The following LHFPL3 variants were observed in gnomAD, a reference collection of about 807,000 sequenced individuals.
The protein encoded by LHFPL3 is LHFPL tetraspan subfamily member 3.
Under a neutral mutation model 19.3 loss-of-function variants are expected in LHFPL3, and 5 were observed. The ratio of observed to expected loss-of-function variants is 0.26; its 90% CI spans 0.14 to 0.54. The LOEUF is 0.54. Among genes scored for constraint, LHFPL3 ranks in the 20% least tolerant of loss-of-function variants. The probability of loss-of-function intolerance (pLI) is 0.94; values close to 1 mark genes in which losing one functional copy is unlikely to be tolerated. For synonymous variants in LHFPL3, 133 were observed against 126.2 expected, an observed-to-expected ratio of 1.05 and a Z score of -0.36; for missense variants, 249 against 307.4, an observed-to-expected ratio of 0.81 and a Z score of 1.42.
chr7:104,530,305 C>T lies in LHFPL3; in HGVS notation c.445+201081C>T, dbSNP rs117524552. ...CTACTTTTCAGTGACTCAAATATAG[C>T]TGAAATCACTTTGTGCTGGAGGCCA... is the stretch of plus-strand genomic sequence containing the variant. On this transcript the variant is annotated intron_variant, in intron 1 of 2. Transcript: ENST00000424859. Among the ~76,000 whole-genome samples, 196 of 152,318 alleles carry T rather than the reference C, an allele frequency of 1.3e-3. 3 individuals are homozygous for T. In the East Asian group the frequency reaches 0.032, roughly 25 times the overall value.
chr7:104,557,577 G>A (rs935338497), intron 1 of LHFPL3, among the ~76,000 whole-genome samples: 3 of 152,058 alleles, frequency 2.0e-5, no homozygotes, highest in Admixed American at 6.5e-5. Context: ...GATTTGGGTG[G>A]GAATACAGCC....
intron 1 of LHFPL3, among the ~76,000 whole-genome samples, chr7:104,686,586 C>T (rs368788647): frequency 6.6e-6 from 1 of 152,080 alleles, no homozygotes; most frequent in African/African-American, 2.4e-5. Flanking sequence ...CTAATTTCAC[C>T]CAATTCTGAC....
chr7:104,566,300 G>A (rs771836878), intron 1 of LHFPL3, among the ~76,000 whole-genome samples: 13 of 152,192 alleles, frequency 8.5e-5, no homozygotes, highest in African/African-American at 1.2e-4. Flanking sequence ...GCAGTGAGTC[G>A]TAACCACATC....
At chr7:104,848,051 C>G (rs1791344234) in intron 2 of LHFPL3, among the ~76,000 whole-genome samples, 1 of 152,152 alleles carries the variant, frequency 6.6e-6, no homozygotes, top group South Asian at 2.1e-4. Context: ...TTCTTATGTT[C>G]TAATGCGCTG....
At chr7:104,460,012 C>T (rs1298149437) in intron 1 of LHFPL3, among the ~76,000 whole-genome samples, 1 of 152,074 alleles carries the variant, frequency 6.6e-6, no homozygotes, top group Non-Finnish European at 1.5e-5. Flanking sequence ...TTCTTCTTAC[C>T]CTCCACCCTC....
At chr7:104,857,066 C>T (rs930537630) in intron 2 of LHFPL3, among the ~76,000 whole-genome samples, 2 of 152,128 alleles carry the variant, frequency 1.3e-5, no homozygotes, top group African/African-American at 2.4e-5. Flanking sequence ...TCATTTCACC[C>T]GCGTGATAAC....
At chr7:104,881,951 AT>A (rs913006669) in intron 2 of LHFPL3, among the ~76,000 whole-genome samples, 4 of 152,174 alleles carry the variant, frequency 2.6e-5, no homozygotes, top group African/African-American at 4.8e-5. Flanking sequence ...AAGTATGTAT[AT>A]TTTTTAGATG....
chr7:104,857,903 G>A (rs1413528719), intron 2 of LHFPL3, among the ~76,000 whole-genome samples: 1 of 152,140 alleles, frequency 6.6e-6, no homozygotes, highest in Non-Finnish European at 1.5e-5. Context: ...CACAGGAAAC[G>A]GGGCTTGTGG....
chr7:104,446,674 C>A (rs745486658), intron 1 of LHFPL3, among the ~76,000 whole-genome samples: 17 of 152,108 alleles, frequency 1.1e-4, no homozygotes, highest in Non-Finnish European at 2.1e-4. Flanking sequence ...CTCCGGGGTT[C>A]AAGTGATTCT....
chr7:104,746,718 T>A (rs1444052267), intron 2 of LHFPL3, among the ~76,000 whole-genome samples: 1 of 152,208 alleles, frequency 6.6e-6, no homozygotes, highest in Admixed American at 6.5e-5. Context: ...TATAAGGGCA[T>A]TAATAGAACC....
chr7:104,802,652 A>C (rs1406875937), intron 2 of LHFPL3, among the ~76,000 whole-genome samples: 2 of 152,098 alleles, frequency 1.3e-5, no homozygotes, highest in African/African-American at 4.8e-5. Context: ...AATTGTAAGA[A>C]ATAAATTTCT....
chr7:104,845,493 C>A, intron 2 of LHFPL3: 3 of 1,510,368 alleles, frequency 2.0e-6, no homozygotes, highest in Non-Finnish European at 8.8e-7. Context: ...TCTGTTCCCG[C>A]ATGTTTTCTC....
intron 2 of LHFPL3, among the ~76,000 whole-genome samples, chr7:104,781,947 A>C (rs1404775334): frequency 1.3e-5 from 2 of 152,104 alleles, no homozygotes; most frequent in Non-Finnish European, 2.9e-5. Context: ...ATTACTGAAA[A>C]TTGTTCCAGT....
At chr7:104,637,365 G>T (rs997360001) in intron 1 of LHFPL3, among the ~76,000 whole-genome samples, 3 of 152,098 alleles carry the variant, frequency 2.0e-5, no homozygotes, top group African/African-American at 7.2e-5. Context: ...CTTTTGCCAT[G>T]CAGAAGCTCT....
At chr7:104,453,850 C>A (rs1292670763) in intron 1 of LHFPL3, among the ~76,000 whole-genome samples, 1 of 152,126 alleles carries the variant, frequency 6.6e-6, no homozygotes, top group Non-Finnish European at 1.5e-5. Context: ...GCTTCAGCCA[C>A]GTGATGTTCC....
intron 1 of LHFPL3, among the ~76,000 whole-genome samples, chr7:104,687,456 C>A (rs1179763887): frequency 6.6e-6 from 1 of 152,232 alleles, no homozygotes; most frequent in Non-Finnish European, 1.5e-5. Flanking sequence ...CCTCTCTCCC[C>A]TCTGGAGGTA....
intron 1 of LHFPL3, among the ~76,000 whole-genome samples, chr7:104,370,212 G>A (rs1307544004): frequency 6.6e-6 from 1 of 152,182 alleles, no homozygotes; most frequent in African/African-American, 2.4e-5. Context: ...GCTGCTGCCA[G>A]CTGGTGCTGG....
intron 1 of LHFPL3, among the ~76,000 whole-genome samples, chr7:104,578,853 T>C (rs1404517159): frequency 2.0e-5 from 3 of 151,960 alleles, no homozygotes; most frequent in African/African-American, 7.2e-5. Flanking sequence ...GTATCGAGAG[T>C]GGTCAGTCTA....
intron 1 of LHFPL3, among the ~76,000 whole-genome samples, chr7:104,673,800 C>G (rs948745176): frequency 6.6e-6 from 1 of 152,186 alleles, no homozygotes; most frequent in Non-Finnish European, 1.5e-5. Context: ...ACAATAAAGA[C>G]AGATATTTCT....
Sources: gnomAD v4.1 joint callset for allele counts (sites outside exome capture counted in the v4.1 genomes callset) on GRCh38, gnomAD v4.1.1 for gene constraint, MANE v1.5 for transcripts, NCBI Gene and HGNC (gene_info 2026-07-23, HGNC 2026-07-21) for gene names.